KCNA4: variants seen among roughly 807,000 people sequenced by gnomAD.
KCNA4 encodes potassium voltage-gated channel subfamily A member 4.
In KCNA4, 5 loss-of-function variants were observed where a neutral mutation model predicts 37.2. The ratio of observed to expected loss-of-function variants is 0.13; its 90% CI spans 0.07 to 0.28. KCNA4 has a LOEUF of 0.28. Ranked by LOEUF, KCNA4 falls within the 10% of genes least tolerant of loss-of-function variation. The pLI, the probability that KCNA4 is intolerant of heterozygous loss-of-function variation, is 1.00. For missense variants in KCNA4, 634 were observed against 817.4 expected (o/e 0.78, Z 2.74); for synonymous variants, 350 against 311.8 (o/e 1.12, Z -1.29).
chr11:30,014,760 C>A (rs1850336757), intron 1 of KCNA4, among the ~76,000 whole-genome samples: 2 of 152,154 alleles, frequency 1.3e-5, no homozygotes, highest in Non-Finnish European at 2.9e-5. Context: ...ATCCAAATCT[C>A]CTGTCTCCTC....
In KCNA4 at chr11:30,012,542, G is replaced by A. The variant is rs764565549; in HGVS notation, c.137C>T (p.Ala46Val). 14 of 1,607,780 alleles carry A rather than the reference G, an allele frequency of 8.7e-6. No individual in the cohort carries two copies. Among genetic ancestry groups the A allele is most frequent in the African/African-American group, 2.7e-5 (2 of 75,006 alleles). ...SRAAAAAAVAAATAAVEGSGG... is the reference protein window; with the variant it reads ...SRAAAAAAVAVATAAVEGSGG... ...GCTACCTTCGACAGCAGCTGTGGCC[G>A]CTGCAACAGCAGCTGCTGCAGCTGC... is the stretch of plus-strand genomic sequence containing the variant. The change falls in exon 2 of 2, where the codon GCG becomes GTG. Residue 46 changes from alanine to valine, a missense_variant. This residue lies in a region of KCNA4 where 236 missense variants were observed against 229.5 expected (regional missense o/e 1.03). Coordinates refer to ENST00000328224, the MANE Select transcript of KCNA4 (RefSeq NM_002233.4).
Position 30,016,936 on chromosome 11 carries a change from TGTTAAGCCC to T in KCNA4, c.-1156_-1148del, listed in dbSNP as rs1850358176. ...AAAATCCTAGACAGCAGCGATCACTTGTTAAGCCCGAATTCCTCCTCCAACATCCATCCC... is the reference window on the plus strand; with the variant it reads ...AAAATCCTAGACAGCAGCGATCACTTGAATTCCTCCTCCAACATCCATCCC... On this transcript the variant is annotated 5_prime_UTR_variant, in exon 1 of 2. An upstream open reading frame in the 5' UTR loses its in-frame stop. Transcript: ENST00000328224. 1 of 398,698 alleles carries T rather than the reference TGTTAAGCCC, an allele frequency of 2.5e-6. No homozygotes were observed. The highest frequency in any genetic ancestry group is 2.1e-5 in the African/African-American group (1 of 48,624). The allele number at this position is 398,698 out of a possible 1,614,324, so 24.7% of individuals were successfully genotyped here. A position where few individuals can be genotyped will look rare whatever the true frequency, so the allele number is the denominator to read the frequency against.
At position 30,010,424 on chromosome 11, in the gene KCNA4, ACT is replaced by A. The variant is rs778105353; in HGVS notation, c.*291_*292del. On this transcript the variant is annotated 3_prime_UTR_variant, in exon 2 of 2. Transcript: ENST00000328224. ...CACACATATACACACACACGCACAC[ACT>A]CTCTCTCTCCATCTTTACTGTTAAC... is the stretch of plus-strand genomic sequence containing the variant. 16 of 423,844 alleles carry A rather than the reference ACT, an allele frequency of 3.8e-5. No homozygotes were observed. The highest frequency in any genetic ancestry group is 1.7e-4 in the South Asian group (4 of 23,042). The allele number at this position is 423,844 out of a possible 1,614,324, so 26.3% of individuals were successfully genotyped here. A position where few individuals can be genotyped will look rare whatever the true frequency, so the allele number is the denominator to read the frequency against.
At position 30,011,626 on chromosome 11, in the gene KCNA4, C is replaced by G. The variant is rs1350779104; in HGVS notation, c.1053G>C (p.Leu351Phe). Reference sequence around the variant, plus strand: ...CCAGATGGGGTGCTGAAGTATCATTCAACAACCCACCATGCCCGCCAGCAC... The same window carrying G: ...CCAGATGGGGTGCTGAAGTATCATTGAACAACCCACCATGCCCGCCAGCAC... ...ALSAGGHGGL[L>F]NDTSAPHLEN... Residue 351 changes from leucine to phenylalanine, a missense_variant, in exon 2 of 2, where the codon TTG becomes TTC. By Grantham distance (22) the Leu-to-Phe change is conservative. Transcript: ENST00000328224. This position sits in a 1 kb window ranked among gnomAD's most constrained non-coding sequence, Gnocchi z 5.6. 5.0e-6 allele frequency: 8 copies of G among 1,613,976 alleles called. No homozygotes were observed. The highest frequency in any genetic ancestry group is 5.9e-6 in the Non-Finnish European group (7 of 1,179,996).
Position 30,011,236 on chromosome 11 carries a change from C to T in KCNA4, c.1443G>A (p.Leu481=), listed in dbSNP as rs541572154. 52 of 1,614,136 alleles carry T rather than the reference C, an allele frequency of 3.2e-5. 1 individual carries two copies. The South Asian group carries it at 5.5e-4, about 17-fold the overall frequency. ...TGACCCCAATGAAGAGGAAGAAGAT[C>T]AGAAGGCCCAGTTCCCGCATGCTGG... The part of the protein sequence containing the change: ...LRASMRELGL[L]IFFLFIGVIL... Residue 481 remains leucine (L), a synonymous_variant, in exon 2 of 2, where the codon CTG becomes CTA. Coordinates refer to ENST00000328224, the MANE Select transcript of KCNA4 (RefSeq NM_002233.4). The surrounding 1 kb of genome is among the most constrained non-coding windows in gnomAD (Gnocchi z 5.6).
chr11:30,010,605 G>T lies in KCNA4; in HGVS notation c.*112C>A. The T allele has an allele frequency of 6.2e-6, 9 of 1,441,556 alleles. No individual in the cohort carries two copies. Among genetic ancestry groups the T allele is most frequent in the Non-Finnish European group, 8.3e-6 (9 of 1,078,852 alleles). 89.3% of individuals were successfully genotyped at this position (1,441,556 alleles called of 1,614,324 possible). A position where few individuals can be genotyped will look rare whatever the true frequency, so the allele number is the denominator to read the frequency against. On this transcript the variant is annotated 3_prime_UTR_variant, in exon 2 of 2. Transcript: ENST00000328224. ...ATGCCATGTATAACCATTAAATAGT[G>T]TACTACTGTATGCATTGGATCATTT...
Position 30,012,420 on chromosome 11 carries a change from GCCT to G in KCNA4, c.256_258del (p.Arg87del). On this transcript the variant is annotated inframe_deletion, in exon 2 of 2. Transcript: ENST00000328224. ...GCTTTCTTCTTCTCAGACCGCTGTC[GCCT>G]CCTCCTCCGACTACCCCGGCTGCTC... 1 of 1,613,664 alleles carries G rather than the reference GCCT, an allele frequency of 6.2e-7. No homozygotes were observed. Among genetic ancestry groups the G allele is most frequent in the Middle Eastern group, 1.7e-4 (1 of 6,058 alleles).
chr11:30,012,025 C>A lies in KCNA4; in HGVS notation c.654G>T (p.Glu218Asp). 6.2e-7 allele frequency: 1 copy of A among 1,614,130 alleles called. No individual in the cohort carries two copies. The highest frequency in any genetic ancestry group is 8.5e-7 in the Non-Finnish European group (1 of 1,180,038). Residue 218 changes from glutamate (E) to aspartate (D), a missense_variant, in exon 2 of 2, where the codon GAG (glutamate) becomes GAT (aspartate). Transcript: ENST00000328224. ...RTQYFDPLRN[E>D]YFFDRNRPSF... ...TGGGGCGGTTCCTGTCAAAAAAATA[C>A]TCATTGCGCAAAGGGTCAAAGTACT...
chr11:30,014,396 A>T (rs187870086), intron 1 of KCNA4, among the ~76,000 whole-genome samples: 2 of 152,160 alleles, frequency 1.3e-5, no homozygotes, highest in Non-Finnish European at 2.9e-5. Flanking sequence ...CATCTCTAAT[A>T]ACCATCTTCT....
Position 30,012,392 on chromosome 11 carries a change from T to G in KCNA4, c.287A>C (p.His96Pro), listed in dbSNP as rs201817148. Reference protein sequence around the residue: ...RRQRSEKKKAHYRQSSFPHCS... With the variant: ...RRQRSEKKKAPYRQSSFPHCS... ...ATGAGGGAAGCTGCTCTGCCGGTAG[T>G]GGGCTTTCTTCTTCTCAGACCGCTG... The change falls in exon 2 of 2, where the codon CAC (histidine) becomes CCC (proline). Residue 96 changes from histidine to proline, a missense_variant. Around this residue, in one of 8 missense-constraint regions of KCNA4, gnomAD observed 236 missense variants for 229.5 expected, o/e 1.03. Transcript: ENST00000328224. 1 of 1,613,968 alleles carries G rather than the reference T, an allele frequency of 6.2e-7. No individual in the cohort carries two copies. Among genetic ancestry groups the G allele is most frequent in the Non-Finnish European group, 8.5e-7 (1 of 1,180,030 alleles).
chr11:30,016,130 A>G (rs572805339), intron 1 of KCNA4, among the ~76,000 whole-genome samples: 8 of 152,200 alleles, frequency 5.3e-5, no homozygotes, highest in African/African-American at 1.2e-4. Context: ...AATGCTCGGA[A>G]AATGCACGCA....
At position 30,012,105 on chromosome 11, in the gene KCNA4, T is replaced by G. The variant is rs369526359; in HGVS notation, c.574A>C (p.Lys192Gln). Residue 192 changes from lysine to glutamine, a missense_variant, in exon 2 of 2, where the codon AAA becomes CAA. Lys to Gln is a moderately conservative substitution (Grantham distance 53, BLOSUM62 1). Transcript: ENST00000328224. ...GTCTCTGGAAACTGGGCCAGAGTTT[T>G]CATTTGGGTCTCAAAGCGTAGGCCT... Reference protein sequence around the residue: ...VSGLRFETQMKTLAQFPETLL... With the variant: ...VSGLRFETQMQTLAQFPETLL... 16 of 1,614,068 alleles carry G rather than the reference T, an allele frequency of 9.9e-6. No homozygotes were observed. Among genetic ancestry groups the G allele is most frequent in the Non-Finnish European group, 1.4e-5 (16 of 1,180,034 alleles).
In KCNA4 at chr11:30,010,909, G is replaced by C. The variant is rs748511812; in HGVS notation, c.1770C>G (p.Pro590=). 6.2e-7 allele frequency: 1 copy of C among 1,614,190 alleles called. No homozygotes were observed. The highest frequency in any genetic ancestry group is 8.5e-7 in the Non-Finnish European group (1 of 1,180,032). The change falls in exon 2 of 2, where the codon CCC becomes CCG. Residue 590 remains proline, a synonymous_variant. Transcript: ENST00000328224. The part of the protein sequence containing the change: ...TQNAVSCPYL[P]SNLLKKFRSS... Reference sequence around the variant, plus strand: ...TCCGAAATTTCTTGAGCAAATTAGAGGGGAGGTATGGACAACTGACTGCAT... The same window carrying C: ...TCCGAAATTTCTTGAGCAAATTAGACGGGAGGTATGGACAACTGACTGCAT...
At position 30,016,820 on chromosome 11, in the gene KCNA4, C is replaced by G. The variant is rs148524213; in HGVS notation, c.-1031G>C. On this transcript the variant is annotated 5_prime_UTR_variant, in exon 1 of 2. Coordinates refer to ENST00000328224, the MANE Select transcript of KCNA4 (RefSeq NM_002233.4). ...CTGGGGGTGGGGGTTGGGGCTGCCC[C>G]AGAGAAGACCCCAAGACTCCTGGTT... 2.2e-4 allele frequency: 86 copies of G among 394,806 alleles called. No homozygotes were observed. Among genetic ancestry groups the G allele is most frequent in the African/African-American group, 1.6e-3 (76 of 48,558 alleles). The allele number at this position is 394,806 out of a possible 1,614,324, so 24.5% of individuals were successfully genotyped here.
rs1406184850 is a variant in KCNA4, at chr11:30,016,572, C to G, written c.-783G>C. ...AAAAAAAAAAAGGTATCATACTTAC[C>G]GTTCCCCGGCGGGGCGAAAAATAAA... On this transcript the variant is annotated splice_region_variant and 5_prime_UTR_variant, in exon 1 of 2. Transcript: ENST00000328224. 1 of 161,548 alleles carries G rather than the reference C, an allele frequency of 6.2e-6. No individual in the cohort carries two copies. Among genetic ancestry groups the G allele is most frequent in the African/African-American group, 2.5e-5 (1 of 39,878 alleles). The allele number at this position is 161,548 out of a possible 1,614,324, so 10.0% of individuals were successfully genotyped here.
rs1850322500 is a variant in KCNA4 at position 30,013,135 on chromosome 11, T to C, written c.-457A>G. 1 of 168,954 alleles carries C rather than the reference T, an allele frequency of 5.9e-6. No homozygotes were observed. The highest frequency in any genetic ancestry group is 6.5e-5 in the Admixed American group (1 of 15,332). The allele number at this position is 168,954 out of a possible 1,614,324, so 10.5% of individuals were successfully genotyped here. On this transcript the variant is annotated 5_prime_UTR_variant, in exon 2 of 2. Coordinates refer to ENST00000328224, the MANE Select transcript of KCNA4 (RefSeq NM_002233.4). ...ATTGGCCAATGCTCAGTCCATTAAA[T>C]GTAAATAAAATGCAAATAAGCCTTT... is the stretch of plus-strand genomic sequence containing the variant.
chr11:30,014,980 C>A (rs1307882143), intron 1 of KCNA4, among the ~76,000 whole-genome samples: 1 of 152,090 alleles, frequency 6.6e-6, no homozygotes, highest in African/African-American at 2.4e-5. Context: ...ATCCTGTCAG[C>A]CTAAAAGCCT....
rs1451938677 is a variant in KCNA4, at chr11:30,016,833, A to T, written c.-1044T>A. 1 of 396,622 alleles carries T rather than the reference A, an allele frequency of 2.5e-6. No individual in the cohort carries two copies. The highest frequency in any genetic ancestry group is 4.4e-6 in the Non-Finnish European group (1 of 225,038). The allele number at this position is 396,622 out of a possible 1,614,324, so 24.6% of individuals were successfully genotyped here. Reference sequence around the variant, plus strand: ...TTGGGGCTGCCCCAGAGAAGACCCCAAGACTCCTGGTTCCTCTGGAGTTCA... The same window carrying T: ...TTGGGGCTGCCCCAGAGAAGACCCCTAGACTCCTGGTTCCTCTGGAGTTCA... On this transcript the variant is annotated 5_prime_UTR_variant, in exon 1 of 2. Transcript: ENST00000328224.
chr11:30,011,481 A>C lies in KCNA4; in HGVS notation c.1198T>G (p.Phe400Val). Residue 400 changes from phenylalanine (F) to valine (V), a missense_variant, in exon 2 of 2, where the codon TTC becomes GTC. Physicochemically the swap from Phe to Val is conservative, Grantham distance 50. Around this residue, in one of 8 missense-constraint regions of KCNA4, gnomAD observed 252 missense variants for 344.2 expected, o/e 0.73. Transcript: ENST00000328224. This position sits in a 1 kb window ranked among gnomAD's most constrained non-coding sequence, Gnocchi z 5.6. ...TCAATGATGTTCATGATGTTTTTGAAGAAGAGTGCTTGGCTGGGACAAGCA... is the reference window on the plus strand; with the variant it reads ...TCAATGATGTTCATGATGTTTTTGACGAAGAGTGCTTGGCTGGGACAAGCA... ...CFACPSQALF[F>V]KNIMNIIDIV... 3 of 1,614,174 alleles carry C rather than the reference A, an allele frequency of 1.9e-6. No individual in the cohort carries two copies. The highest frequency in any genetic ancestry group is 2.5e-6 in the Non-Finnish European group (3 of 1,180,032).
Sources: gnomAD v4.1 joint callset for allele counts (sites outside exome capture counted in the v4.1 genomes callset) on GRCh38, gnomAD v4.1.1 for gene constraint, gnomAD v4.1.1 regional missense constraint, Gnocchi (gnomAD v3.1) non-coding constraint, MANE v1.5 for transcripts, NCBI Gene and HGNC (gene_info 2026-07-23, HGNC 2026-07-21) for gene names.